The following DAB1 variants were observed in gnomAD, a reference collection of about 807,000 sequenced individuals.
DAB1 encodes disabled homolog 1.
Under a neutral mutation model 64.6 loss-of-function variants are expected in DAB1, and 15 were observed. That is an observed-to-expected ratio of 0.23 (90% confidence interval 0.16 to 0.36). DAB1 has a LOEUF of 0.36. DAB1 is among the 10% of genes least tolerant of loss of function. The probability of loss-of-function intolerance (pLI) is 1.00; values close to 1 mark genes in which losing one functional copy is unlikely to be tolerated. For synonymous variants in DAB1, 235 were observed against 251.9 expected, an observed-to-expected ratio of 0.93 and a Z score of 0.64; for missense variants, 596 against 706.7, an observed-to-expected ratio of 0.84 and a Z score of 1.78.
intron 7 of DAB1, among the ~76,000 whole-genome samples, chr1:57,469,606 C>G (rs1313370521): frequency 2.6e-5 from 4 of 152,078 alleles, no homozygotes; most frequent in African/African-American, 9.7e-5. Context: ...GGTACTTCAC[C>G]AACTTTTATT....
At chr1:57,981,666 A>G (rs1426948161) in intron 5 of DAB1, among the ~76,000 whole-genome samples, 2 of 152,166 alleles carry the variant, frequency 1.3e-5, no homozygotes, top group Non-Finnish European at 2.9e-5. Flanking sequence ...TTGCCCAAAT[A>G]GTATCATGGA....
At chr1:57,038,301 A>T (rs537274993) in intron 9 of DAB1, among the ~76,000 whole-genome samples, 63 of 152,310 alleles carry the variant, frequency 4.1e-4, no homozygotes, top group African/African-American at 1.5e-3. Context: ...TAGCTATAAG[A>T]GGTTTTTTTT....
intron 3 of DAB1, among the ~76,000 whole-genome samples, chr1:58,433,458 C>A (rs1415451327): frequency 6.6e-6 from 1 of 151,910 alleles, no homozygotes; most frequent in African/African-American, 2.4e-5. Flanking sequence ...TTATTTGGCT[C>A]ATGGTTCTGG....
intron 7 of DAB1, among the ~76,000 whole-genome samples, chr1:57,528,640 A>AGACACC (rs59224956): frequency 1.1e-5 from 1 of 87,068 alleles, no homozygotes; most frequent in African/African-American, 3.8e-5. Flanking sequence ...GCAGCAGGAC[A>AGACACC]CACACACACA....
At chr1:57,515,758 T>G (rs947244) in intron 7 of DAB1, among the ~76,000 whole-genome samples, 1 of 152,242 alleles carries the variant, frequency 6.6e-6, no homozygotes, top group African/African-American at 2.4e-5. Context: ...TGCCAAGCCT[T>G]GAGCCAAGTA....
chr1:57,911,077 G>A (rs1251520769), intron 5 of DAB1, among the ~76,000 whole-genome samples: 2 of 152,188 alleles, frequency 1.3e-5, no homozygotes, highest in African/African-American at 2.4e-5. Context: ...ATTTTGTGTT[G>A]ACTTTGATAA....
intron 5 of DAB1, among the ~76,000 whole-genome samples, chr1:58,125,896 T>C (rs950826969): frequency 4.6e-5 from 7 of 152,080 alleles, no homozygotes; most frequent in African/African-American, 1.7e-4. Flanking sequence ...ACTCCACTCA[T>C]GCTTTGGGGT....
At chr1:57,106,152 T>C (rs939850947) in intron 4 of DAB1, among the ~76,000 whole-genome samples, 1 of 152,204 alleles carries the variant, frequency 6.6e-6, no homozygotes, top group African/African-American at 2.4e-5. Context: ...TCACATCGGG[T>C]TAACCTTTTC....
At chr1:58,274,715 G>A (rs1021996402) in intron 4 of DAB1, among the ~76,000 whole-genome samples, 2 of 152,190 alleles carry the variant, frequency 1.3e-5, no homozygotes, top group Non-Finnish European at 1.5e-5. Context: ...GTGGTTCGCC[G>A]CTTTTTAAGC....
chr1:58,275,963 C>A (rs894845552), intron 4 of DAB1, among the ~76,000 whole-genome samples: 2 of 152,152 alleles, frequency 1.3e-5, no homozygotes, highest in Non-Finnish European at 2.9e-5. Context: ...TGTATATACA[C>A]CAGTGGAATA....
At chr1:57,404,704 G>A (rs1410294829) in intron 1 of DAB1, among the ~76,000 whole-genome samples, 2 of 152,186 alleles carry the variant, frequency 1.3e-5, no homozygotes, top group Non-Finnish European at 2.9e-5. Context: ...ATGGTTAACA[G>A]GAGACTGCTA....
chr1:58,365,008 GA>G (rs1371855793), intron 3 of DAB1, among the ~76,000 whole-genome samples: 2 of 152,152 alleles, frequency 1.3e-5, no homozygotes, highest in Non-Finnish European at 2.9e-5. Context: ...ATGTTTCAGA[GA>G]ATTCCCTAAC....
chr1:57,660,260 C>T (rs1570714462), intron 6 of DAB1, among the ~76,000 whole-genome samples: 1 of 152,178 alleles, frequency 6.6e-6, no homozygotes, highest in Admixed American at 6.5e-5. Flanking sequence ...CTTGTATTAA[C>T]CCCAATAAAT....
intron 7 of DAB1, among the ~76,000 whole-genome samples, chr1:57,431,229 T>A (rs1389569022): frequency 6.7e-6 from 1 of 150,006 alleles, no homozygotes; most frequent in Non-Finnish European, 1.5e-5. Context: ...TGGCTGTAGT[T>A]GACTCTAGAG....
chr1:57,929,665 G>A (rs978941798), intron 5 of DAB1, among the ~76,000 whole-genome samples: 1 of 152,180 alleles, frequency 6.6e-6, no homozygotes, highest in Non-Finnish European at 1.5e-5. Context: ...GAAAGATGGT[G>A]TGGGCATCTC....
At chr1:57,078,656 T>C (rs544731443) in intron 4 of DAB1, among the ~76,000 whole-genome samples, 78 of 152,278 alleles carry the variant, frequency 5.1e-4, no homozygotes, top group Middle Eastern at 3.4e-3. Context: ...AATTAATATA[T>C]GTAAAGTGAC....
At chr1:58,166,052 T>C (rs1655813880) in intron 4 of DAB1, among the ~76,000 whole-genome samples, 1 of 152,218 alleles carries the variant, frequency 6.6e-6, no homozygotes, top group African/African-American at 2.4e-5. Flanking sequence ...GGATTCTTAA[T>C]TGCTATGCAA....
chr1:57,129,181 C>T lies in DAB1; in HGVS notation c.306+7362G>A, dbSNP rs539965500. ...TGAGTTGACCAAATCTGCTTGGAAACATTCATGGTCTCACTTTCCAGGGCA... is the reference window on the plus strand; with the variant it reads ...TGAGTTGACCAAATCTGCTTGGAAATATTCATGGTCTCACTTTCCAGGGCA... On this transcript the variant is annotated intron_variant, in intron 4 of 14. Coordinates refer to ENST00000371236, the MANE Select transcript of DAB1 (RefSeq NM_001365792.1). Among the ~76,000 whole-genome samples, 12 of 152,256 alleles carry T rather than the reference C, an allele frequency of 7.9e-5. No individual in the cohort carries two copies. The South Asian group carries it at 1.7e-3, about 21-fold the overall frequency.
intron 2 of DAB1, among the ~76,000 whole-genome samples, chr1:58,519,550 C>G (rs761770514): frequency 1.8e-4 from 28 of 152,028 alleles, no homozygotes; most frequent in Non-Finnish European, 3.5e-4. Flanking sequence ...TCTAAGTGAC[C>G]ACTTAGCACA....
Sources: allele counts gnomAD v4.1 joint callset (sites outside exome capture counted in the v4.1 genomes callset), GRCh38; gene constraint gnomAD v4.1.1; transcripts MANE v1.5; gene names NCBI Gene and HGNC (gene_info 2026-07-23, HGNC 2026-07-21).